The following PABPC4L variants were observed in gnomAD, a reference collection of about 807,000 sequenced individuals.
PABPC4L encodes polyadenylate-binding protein 4-like.
For missense variants in PABPC4L, 452 were observed against 451.4 expected, an observed-to-expected ratio of 1.00 and a Z score of -0.01; for synonymous variants, 169 against 164.1, an observed-to-expected ratio of 1.03 and a Z score of -0.23.
At chr4:133,996,743 C>T in the PABPC4L span, among the ~76,000 whole-genome samples, 75 of 152,220 alleles carry the variant, frequency 4.9e-4, no homozygotes, top group Middle Eastern at 3.4e-3. Context: ...GGTAGGGGAC[C>T]GCACTGCTTA....
At chr4:134,195,720 T>C (rs566374242), downstream of PABPC4L, among the ~76,000 whole-genome samples, 323 of 151,768 alleles carry the variant, frequency 2.1e-3, 1 homozygote, top group African/African-American at 7.3e-3. Flanking sequence ...CAACTACAAT[T>C]TAGTTCAGAG....
the PABPC4L span, among the ~76,000 whole-genome samples, chr4:134,148,421 T>A: frequency 2.0e-5 from 3 of 152,128 alleles, no homozygotes; most frequent in Non-Finnish European, 4.4e-5. Context: ...GCTTTAGCTC[T>A]GCTTTTTTAG....
At chr4:134,141,556 T>C in the PABPC4L span, among the ~76,000 whole-genome samples, 3 of 150,824 alleles carry the variant, frequency 2.0e-5, no homozygotes, top group African/African-American at 7.3e-5. Context: ...GTGAGTAATC[T>C]GTATGTTTCA....
chr4:134,011,550 A>G, the PABPC4L span, among the ~76,000 whole-genome samples: 2 of 152,124 alleles, frequency 1.3e-5, no homozygotes, highest in Non-Finnish European at 2.9e-5. Flanking sequence ...CTTTATCAGA[A>G]TGTGTAGTAG....
the PABPC4L span, among the ~76,000 whole-genome samples, chr4:134,181,074 T>C: frequency 6.6e-6 from 1 of 151,320 alleles, no homozygotes; most frequent in Non-Finnish European, 1.5e-5. Context: ...CATAACAAAA[T>C]AACAGAAGTT....
At chr4:134,125,389 G>GTA in the PABPC4L span, among the ~76,000 whole-genome samples, 3 of 151,748 alleles carry the variant, frequency 2.0e-5, no homozygotes, top group African/African-American at 4.8e-5. Flanking sequence ...GTATACATGT[G>GTA]CCATGCTGTT....
the PABPC4L span, among the ~76,000 whole-genome samples, chr4:134,153,800 C>T: frequency 6.7e-6 from 1 of 149,210 alleles, no homozygotes; most frequent in Non-Finnish European, 1.5e-5. Context: ...GGCATGTGCC[C>T]CTATGCCTAG....
At chr4:133,993,229 C>A in the PABPC4L span, among the ~76,000 whole-genome samples, 5 of 151,962 alleles carry the variant, frequency 3.3e-5, no homozygotes, top group Non-Finnish European at 4.4e-5. Flanking sequence ...TACTCATATT[C>A]CCCCTTTTTT....
the PABPC4L span, among the ~76,000 whole-genome samples, chr4:133,996,200 C>T: frequency 6.6e-6 from 1 of 152,138 alleles, no homozygotes; most frequent in Non-Finnish European, 1.5e-5. Flanking sequence ...ACGGTTCCTC[C>T]TCCCTTCCCT....
chr4:134,038,892 C>T, the PABPC4L span, among the ~76,000 whole-genome samples: 16 of 152,176 alleles, frequency 1.1e-4, no homozygotes, highest in African/African-American at 3.9e-4. Flanking sequence ...TCTTGCTTCT[C>T]TAGTTGTTTT....
the PABPC4L span, among the ~76,000 whole-genome samples, chr4:134,161,334 G>A: frequency 2.0e-5 from 3 of 151,994 alleles, no homozygotes; most frequent in Non-Finnish European, 4.4e-5. Flanking sequence ...TAAAGAGGAT[G>A]TAGAGAGAGA....
At chr4:133,963,798 A>G in the PABPC4L span, among the ~76,000 whole-genome samples, 1 of 152,150 alleles carries the variant, frequency 6.6e-6, no homozygotes, top group Non-Finnish European at 1.5e-5. Context: ...GACACAACCT[A>G]TCAAAACCTC....
At chr4:134,112,963 T>C in the PABPC4L span, among the ~76,000 whole-genome samples, 1 of 151,916 alleles carries the variant, frequency 6.6e-6, no homozygotes, top group South Asian at 2.1e-4. Context: ...TTGATGAACC[T>C]GACTCTGTGT....
chr4:133,964,122 A>G, the PABPC4L span, among the ~76,000 whole-genome samples: 1 of 152,184 alleles, frequency 6.6e-6, no homozygotes, highest in South Asian at 2.1e-4. Flanking sequence ...AACCTCAATA[A>G]GAAACAAATG....
chr4:134,103,364 C>T, the PABPC4L span, among the ~76,000 whole-genome samples: 28 of 151,670 alleles, frequency 1.8e-4, no homozygotes, highest in African/African-American at 6.8e-4. Context: ...TAGAAATTTT[C>T]TTACAGTTTT....
chr4:134,122,770 A>AT, the PABPC4L span, among the ~76,000 whole-genome samples: 1 of 151,792 alleles, frequency 6.6e-6, no homozygotes, highest in East Asian at 1.9e-4. Context: ...TTTGCTTACA[A>AT]TTTTTACATT....
the PABPC4L span, among the ~76,000 whole-genome samples, chr4:133,968,994 T>G: frequency 6.6e-6 from 1 of 152,178 alleles, no homozygotes; most frequent in South Asian, 2.1e-4. Flanking sequence ...GAGAAACTTT[T>G]AAAAGGAAAT....
the PABPC4L span, among the ~76,000 whole-genome samples, chr4:133,955,353 C>T: frequency 1.3e-5 from 2 of 151,898 alleles, no homozygotes; most frequent in Non-Finnish European, 1.5e-5. Context: ...ATATTATGCT[C>T]ATAATTTATA....
At chr4:134,007,205 T>G in the PABPC4L span, among the ~76,000 whole-genome samples, 1 of 151,950 alleles carries the variant, frequency 6.6e-6, no homozygotes, top group Non-Finnish European at 1.5e-5. Flanking sequence ...TATTCCCAAC[T>G]TTACATAATA....
Sources: allele counts gnomAD v4.1 joint callset (sites outside exome capture counted in the v4.1 genomes callset), GRCh38; gene constraint gnomAD v4.1.1; transcripts MANE v1.5; gene names NCBI Gene and HGNC (gene_info 2026-07-23, HGNC 2026-07-21).